Variants in HMGA2 observed in about 807,000 individuals in gnomAD.
The protein encoded by HMGA2 is high mobility group AT-hook 2.
Under a neutral mutation model 19.1 loss-of-function variants are expected in HMGA2, and 8 were observed. The observed-to-expected ratio is 0.42, with a 90% CI of 0.25 to 0.76. HMGA2 has a LOEUF of 0.76. Among genes scored for constraint, HMGA2 ranks in the 30% least tolerant of loss-of-function variants. The pLI is 0.28. For missense variants in HMGA2, 109 were observed against 136.3 expected (o/e 0.80, Z 1.00); for synonymous variants, 60 against 48.8 (o/e 1.23, Z -0.96).
intron 3 of HMGA2, among the ~76,000 whole-genome samples, chr12:65,883,138 G>C (rs557734942): frequency 2.6e-5 from 4 of 152,278 alleles, no homozygotes; most frequent in East Asian, 3.9e-4. Flanking sequence ...AATTCTGATG[G>C]AAAACACTTC....
intron 3 of HMGA2, among the ~76,000 whole-genome samples, chr12:65,927,754 A>G (rs929095016): frequency 1.3e-5 from 2 of 151,818 alleles, no homozygotes; most frequent in African/African-American, 4.8e-5. Flanking sequence ...TCCTCAGGTA[A>G]TACAAATACC....
chr12:65,951,444 C>A, intron 4 of HMGA2, 29 bp downstream of exon 4: 1 of 1,403,294 alleles, frequency 7.1e-7, no homozygotes, highest in Non-Finnish European at 9.8e-7. Flanking sequence ...TTTTTTTCTC[C>A]CAATTAATAT....
At chr12:65,951,589 C>T (rs1477568099) in intron 4 of HMGA2, 174 bp downstream of exon 4, 3 of 540,350 alleles carry the variant, frequency 5.6e-6, no homozygotes, top group East Asian at 3.0e-5. Context: ...AGTCTGCAAT[C>T]GTACCATGAA....
At chr12:65,877,824 A>T (rs1386109228) in intron 3 of HMGA2, among the ~76,000 whole-genome samples, 1 of 151,992 alleles carries the variant, frequency 6.6e-6, no homozygotes, top group Non-Finnish European at 1.5e-5. Context: ...CAAAAAAAAA[A>T]TTAATAGATT....
intron 3 of HMGA2, among the ~76,000 whole-genome samples, chr12:65,870,016 G>GC (rs1305327713): frequency 1.4e-5 from 2 of 146,238 alleles, no homozygotes; most frequent in African/African-American, 5.1e-5. Context: ...GTCATGATTT[G>GC]CAAAAAAAAA....
intron 3 of HMGA2, among the ~76,000 whole-genome samples, chr12:65,925,822 C>T (rs1875485405): frequency 6.6e-6 from 1 of 151,700 alleles, no homozygotes; most frequent in African/African-American, 2.4e-5. Context: ...GTGTGTGTGC[C>T]CTCACATAAG....
At chr12:65,883,518 G>A (rs1015129086) in intron 3 of HMGA2, among the ~76,000 whole-genome samples, 4 of 152,164 alleles carry the variant, frequency 2.6e-5, no homozygotes, top group African/African-American at 9.7e-5. Context: ...TAAATAACTT[G>A]TTCAAGATCA....
At chr12:65,842,503 C>A in intron 3 of HMGA2, 1 of 1,035,536 alleles carries the variant, frequency 9.7e-7, no homozygotes, top group Non-Finnish European at 1.4e-6. Context: ...TCATTATGTC[C>A]TCAATATATT....
chr12:65,881,191 A>T (rs1382854167), intron 3 of HMGA2: 1 of 155,296 alleles, frequency 6.4e-6, no homozygotes, highest in Non-Finnish European at 1.4e-5. Flanking sequence ...GGAGATAGTG[A>T]AAGAGAAGGA....
At chr12:65,907,198 C>T (rs1277668615) in intron 3 of HMGA2, among the ~76,000 whole-genome samples, 2 of 152,012 alleles carry the variant, frequency 1.3e-5, no homozygotes, top group African/African-American at 4.8e-5. Context: ...AGTTCGAGAC[C>T]AGCCTGGCCA....
intron 3 of HMGA2, chr12:65,857,762 T>C (rs1871818098): frequency 2.0e-5 from 3 of 152,244 alleles, no homozygotes; most frequent in Admixed American, 2.0e-4. Context: ...TTTATATATG[T>C]GATTCCAAAC....
At chr12:65,929,716 A>G (rs1875638655) in intron 3 of HMGA2, among the ~76,000 whole-genome samples, 1 of 152,124 alleles carries the variant, frequency 6.6e-6, no homozygotes, top group Non-Finnish European at 1.5e-5. Flanking sequence ...CCTTACACGA[A>G]ACACTTTGGT....
chr12:65,857,043 C>T (rs1290881911), intron 3 of HMGA2: 1 of 152,134 alleles, frequency 6.6e-6, no homozygotes, highest in Non-Finnish European at 1.5e-5. Flanking sequence ...AACTTTAAAC[C>T]TGTTAGAACC....
chr12:65,933,932 C>G (rs1362201465), intron 3 of HMGA2, among the ~76,000 whole-genome samples: 1 of 152,136 alleles, frequency 6.6e-6, no homozygotes, highest in Non-Finnish European at 1.5e-5. Context: ...TAGAACTGCC[C>G]TGGGACAGAG....
intron 3 of HMGA2, among the ~76,000 whole-genome samples, chr12:65,902,380 A>G (rs1874409654): frequency 6.6e-6 from 1 of 152,212 alleles, no homozygotes; most frequent in South Asian, 2.1e-4. Context: ...CAATTATAAT[A>G]TCTTCATTTT....
At chr12:65,892,435 A>T (rs1873949814) in intron 3 of HMGA2, among the ~76,000 whole-genome samples, 1 of 152,200 alleles carries the variant, frequency 6.6e-6, no homozygotes, top group African/African-American at 2.4e-5. Context: ...GTCTTCTATT[A>T]GGGATGCTTT....
intron 3 of HMGA2, among the ~76,000 whole-genome samples, chr12:65,889,655 T>C (rs1242863352): frequency 3.9e-5 from 6 of 152,156 alleles, no homozygotes; most frequent in Non-Finnish European, 2.9e-5. Context: ...ACAAACCTGT[T>C]TGAAAGTGGT....
In HMGA2 at chr12:65,824,713, T is replaced by TTCTCTCTC. The variant is rs60786450; in HGVS notation, c.-509_-502dup. On this transcript the variant is annotated 5_prime_UTR_variant, in exon 1 of 5. Transcript: ENST00000403681. ...CCAAGGCACTTTCAATCTCAATCTCTTCTCTCTCTCTCTCTCTCTCTCTCT... is the reference window on the plus strand; with the variant it reads ...CCAAGGCACTTTCAATCTCAATCTCTTCTCTCTCTCTCTCTCTCTCTCTCTCTCTCTCT... 5.2e-3 allele frequency: 750 copies of TTCTCTCTC among 144,584 alleles called. 9 individuals carry two copies. The highest frequency in any genetic ancestry group is 0.013 in the East Asian group (166 of 12,458). 9.0% of individuals were successfully genotyped at this position (144,584 alleles called of 1,614,324 possible).
chr12:65,830,872 T>G (rs1256819595), intron 2 of HMGA2: 2 of 151,904 alleles, frequency 1.3e-5, no homozygotes, highest in Non-Finnish European at 3.0e-5. Flanking sequence ...CTTGGAACTT[T>G]TGGAAGAGAA....
Sources: gnomAD v4.1 joint callset for allele counts (sites outside exome capture counted in the v4.1 genomes callset) on GRCh38, gnomAD v4.1.1 for gene constraint, MANE v1.5 for transcripts, NCBI Gene and HGNC (gene_info 2026-07-23, HGNC 2026-07-21) for gene names.